Variants in PELI2 observed in about 807,000 individuals in gnomAD.
The protein encoded by PELI2 is E3 ubiquitin-protein ligase pellino homolog 2.
Under a neutral mutation model 42.3 loss-of-function variants are expected in PELI2, and 23 were observed. The observed-to-expected ratio is 0.54, with a 90% CI of 0.39 to 0.77. PELI2 has a LOEUF of 0.77. PELI2 is among the 30% of genes least tolerant of loss of function. The pLI, the probability that PELI2 is intolerant of heterozygous loss-of-function variation, is 0.00. For synonymous variants in PELI2, 245 were observed against 212.2 expected (o/e 1.15, Z -1.34); for missense variants, 463 against 553.2 (o/e 0.84, Z 1.64).
intron 2 of PELI2, among the ~76,000 whole-genome samples, chr14:56,183,282 G>A (rs867444564): frequency 6.6e-6 from 1 of 152,058 alleles, no homozygotes; most frequent in Non-Finnish European, 1.5e-5. Context: ...CTTTAATACT[G>A]TGCAGGAATA....
chr14:56,145,012 GT>G, intron 1 of PELI2: 2 of 969,252 alleles, frequency 2.1e-6, no homozygotes, highest in Non-Finnish European at 1.2e-6. Flanking sequence ...TGGGTGTTAG[GT>G]TAAGTCCTGG....
At chr14:56,133,099 T>C (rs775415057) in intron 1 of PELI2, among the ~76,000 whole-genome samples, 3 of 152,142 alleles carry the variant, frequency 2.0e-5, no homozygotes, top group Non-Finnish European at 2.9e-5. Flanking sequence ...GCTAATATTA[T>C]TTTCGTTTTT....
intron 1 of PELI2, among the ~76,000 whole-genome samples, chr14:56,162,071 A>C (rs910461861): frequency 3.4e-4 from 52 of 152,372 alleles, no homozygotes; most frequent in African/African-American, 1.3e-3. Context: ...AAATAACCAC[A>C]TTATGGAGAA....
intron 1 of PELI2, among the ~76,000 whole-genome samples, chr14:56,170,293 G>A (rs1354968507): frequency 6.6e-6 from 1 of 152,204 alleles, no homozygotes; most frequent in Admixed American, 6.5e-5. Flanking sequence ...GGATGTCGCT[G>A]TAAGAGTTCA....
intron 1 of PELI2, among the ~76,000 whole-genome samples, chr14:56,161,094 A>T (rs978473450): frequency 6.6e-6 from 1 of 152,214 alleles, no homozygotes; most frequent in Non-Finnish European, 1.5e-5. Context: ...GTTGTCACAC[A>T]GGTCTGGCAT....
chr14:56,246,511 C>T (rs1173389882), intron 2 of PELI2, among the ~76,000 whole-genome samples: 2 of 152,144 alleles, frequency 1.3e-5, no homozygotes, highest in Non-Finnish European at 2.9e-5. Flanking sequence ...CTGGCCTCTC[C>T]GAGCCTCTGC....
chr14:56,296,656 C>T lies in PELI2; in HGVS notation c.753C>T (p.Ala251=). The change falls in exon 6 of 6, where the codon GCC becomes GCT. Residue 251 remains alanine, a synonymous_variant. Transcript: ENST00000267460. ...QDGSLIDLCG[A]TLLWRTADGL... ...GCTCCCTCATTGACCTGTGTGGGGC[C>T]ACTCTCCTCTGGAGAACAGCAGATG... The T allele has an allele frequency of 6.2e-7, 1 of 1,614,018 alleles. No individual in the cohort carries two copies. Among genetic ancestry groups the T allele is most frequent in the East Asian group, 2.2e-5 (1 of 44,880 alleles).
At chr14:56,140,569 A>G (rs1883869682) in intron 1 of PELI2, among the ~76,000 whole-genome samples, 1 of 152,210 alleles carries the variant, frequency 6.6e-6, no homozygotes, top group Non-Finnish European at 1.5e-5. Flanking sequence ...ACCTACATTA[A>G]AGAGTTATAT....
chr14:56,169,204 A>G (rs921767675), intron 1 of PELI2, among the ~76,000 whole-genome samples: 1 of 152,034 alleles, frequency 6.6e-6, no homozygotes, highest in Non-Finnish European at 1.5e-5. Flanking sequence ...TAAGTATGTC[A>G]TGTGTCCCTC....
At chr14:56,241,321 A>G (rs1055006185) in intron 2 of PELI2, among the ~76,000 whole-genome samples, 6 of 152,162 alleles carry the variant, frequency 3.9e-5, no homozygotes, top group African/African-American at 7.2e-5. Flanking sequence ...ATTGGGGGGG[A>G]AAAAGAATAT....
chr14:56,268,783 C>CTG (rs143071506), intron 2 of PELI2, among the ~76,000 whole-genome samples: 1 of 151,830 alleles, frequency 6.6e-6, no homozygotes, highest in Non-Finnish European at 1.5e-5. Context: ...ACGATGCCTG[C>CTG]TGTGTGTGTG....
intron 2 of PELI2, among the ~76,000 whole-genome samples, chr14:56,268,680 CT>C (rs1206947930): frequency 6.6e-6 from 1 of 152,158 alleles, no homozygotes; most frequent in African/African-American, 2.4e-5. Context: ...CTTTCTCCAT[CT>C]CTTATCAGGT....
intron 1 of PELI2, among the ~76,000 whole-genome samples, chr14:56,164,103 C>G (rs1884865409): frequency 6.6e-6 from 1 of 152,046 alleles, no homozygotes; most frequent in Non-Finnish European, 1.5e-5. Flanking sequence ...ATGGTGGCGA[C>G]AGTGGGCATC....
Position 56,298,115 on chromosome 14 carries a change from CCT to C in PELI2, c.*950_*951del, listed in dbSNP as rs1030866713. ...CATAAAGCTTGGGGTTTTTTTTTTT[CCT>C]TTGTTAAGAAAGCCAACCAATCACA... is the stretch of plus-strand genomic sequence containing the variant. On this transcript the variant is annotated 3_prime_UTR_variant, in exon 6 of 6. Coordinates refer to ENST00000267460, the MANE Select transcript of PELI2 (RefSeq NM_021255.3). The C allele has an allele frequency of 6.7e-6, 1 of 149,026 alleles. No individual in the cohort carries two copies. Among genetic ancestry groups the C allele is most frequent in the African/African-American group, 2.5e-5 (1 of 40,456 alleles). 9.2% of individuals were successfully genotyped at this position (149,026 alleles called of 1,614,324 possible).
At chr14:56,208,100 G>C (rs11623431) in intron 2 of PELI2, among the ~76,000 whole-genome samples, 62,324 of 152,136 alleles carry the variant, frequency 0.41, 13,323 homozygotes, top group South Asian at 0.53. Flanking sequence ...TTTATAGCCA[G>C]AGCTTTAACA....
chr14:56,173,149 C>G (rs1325594341), intron 1 of PELI2, among the ~76,000 whole-genome samples: 2 of 152,194 alleles, frequency 1.3e-5, no homozygotes, highest in South Asian at 2.1e-4. Flanking sequence ...CCGGATGTCC[C>G]TGTAATTCCT....
intron 2 of PELI2, among the ~76,000 whole-genome samples, chr14:56,257,523 A>G (rs1440138159): frequency 2.0e-5 from 3 of 147,886 alleles, no homozygotes; most frequent in African/African-American, 7.5e-5. Context: ...TTCTATATAT[A>G]TATGTATCTA....
At chr14:56,208,720 T>C (rs1038731246) in intron 2 of PELI2, among the ~76,000 whole-genome samples, 50 of 152,226 alleles carry the variant, frequency 3.3e-4, no homozygotes, top group Non-Finnish European at 1.0e-4. Context: ...AGTACATAGA[T>C]AGAACTTTTG....
intron 1 of PELI2, among the ~76,000 whole-genome samples, chr14:56,176,110 T>C (rs1036198939): frequency 6.6e-5 from 10 of 151,966 alleles, no homozygotes; most frequent in East Asian, 3.9e-4. Flanking sequence ...AGCCCCAGAG[T>C]GGTGGGGAAG....
Sources: allele counts gnomAD v4.1 joint callset (sites outside exome capture counted in the v4.1 genomes callset), GRCh38; gene constraint gnomAD v4.1.1; transcripts MANE v1.5; gene names NCBI Gene and HGNC (gene_info 2026-07-23, HGNC 2026-07-21).